ADAMTSL3: variants seen among roughly 807,000 people sequenced by gnomAD.
ADAMTSL3 encodes the protein ADAMTS-like protein 3.
In ADAMTSL3, 128 loss-of-function variants were observed where a neutral mutation model predicts 201.7. The ratio of observed to expected loss-of-function variants is 0.63; its 90% CI spans 0.55 to 0.73. The LOEUF (loss-of-function observed/expected upper bound fraction) is 0.73. ADAMTSL3 is among the 30% of genes least tolerant of loss of function. The probability of loss-of-function intolerance (pLI) is 0.00; values close to 1 mark genes in which losing one functional copy is unlikely to be tolerated. For missense variants in ADAMTSL3, 1,990 were observed against 2,119.6 expected (o/e 0.94, Z 1.20); for synonymous variants, 738 against 748.4 (o/e 0.99, Z 0.23).
In ADAMTSL3 at chr15:84,025,360, G is replaced by C; in HGVS notation, c.4580G>C (p.Cys1527Ser). The C allele has an allele frequency of 6.2e-7, 1 of 1,614,136 alleles. No individual in the cohort carries two copies. Among genetic ancestry groups the C allele is most frequent in the Non-Finnish European group, 8.5e-7 (1 of 1,180,026 alleles). Residue 1527 changes from cysteine (C) to serine (S), a missense_variant, in exon 27 of 30, where the codon TGT becomes TCT. Physicochemically the swap from Cys to Ser is moderately radical, Grantham distance 112 (BLOSUM62 -1). Transcript: ENST00000286744. ...GTVQVVSPRA[C>S]APKDRPLGRK... is the part of the protein sequence containing the mutation. The stretch of plus-strand genomic sequence containing the variant: ...GTGCAGGTGGTGTCTCCAAGAGCAT[G>C]TGCCCCTAAAGACCGGCCTCTGGGA...
At chr15:83,985,707 A>G (rs1433129953) in intron 21 of ADAMTSL3, among the ~76,000 whole-genome samples, 1 of 151,978 alleles carries the variant, frequency 6.6e-6, no homozygotes, top group African/African-American at 2.4e-5. Context: ...ATCTCAGCTT[A>G]CTGCAACCTC....
intron 9 of ADAMTSL3, among the ~76,000 whole-genome samples, chr15:83,873,036 GGC>G (rs1346336345): frequency 6.9e-6 from 1 of 145,608 alleles, no homozygotes; most frequent in Non-Finnish European, 1.5e-5. Context: ...TGGGCGTGGT[GGC>G]TCATGCCTGT....
chr15:83,988,867 T>TTTTATTTATTTA (rs540495992), intron 22 of ADAMTSL3, 49 bp downstream of exon 22: 1 of 1,048,486 alleles, frequency 9.5e-7, no homozygotes, highest in South Asian at 3.3e-5. Context: ...TATTTTTTAT[T>TTTTATTTATTTA]TTTATTTATT....
chr15:83,668,506 A>C (rs2585038), intron 2 of ADAMTSL3, among the ~76,000 whole-genome samples: 1 of 151,732 alleles, frequency 6.6e-6, no homozygotes, highest in East Asian at 1.9e-4. Context: ...TTCTGTGTGT[A>C]TGTGTGTTTG....
At chr15:83,812,957 A>G (rs1340218414) in intron 5 of ADAMTSL3, among the ~76,000 whole-genome samples, 4 of 152,242 alleles carry the variant, frequency 2.6e-5, no homozygotes, top group Non-Finnish European at 4.4e-5. Context: ...ATTTAACCTC[A>G]GACAGTCAGG....
intron 7 of ADAMTSL3, 62 bp downstream of exon 7, chr15:83,838,277 C>T: frequency 1.3e-6 from 2 of 1,535,404 alleles, no homozygotes; most frequent in East Asian, 2.4e-5. Flanking sequence ...CTGTCTATTG[C>T]TAGAATAACA....
chr15:83,957,191 C>T (rs571819806), intron 19 of ADAMTSL3, among the ~76,000 whole-genome samples: 9 of 152,132 alleles, frequency 5.9e-5, no homozygotes, highest in South Asian at 4.2e-4. Flanking sequence ...GAGTGACAAG[C>T]GTGTATATAA....
chr15:83,841,823 C>T (rs1328974506), intron 7 of ADAMTSL3, among the ~76,000 whole-genome samples: 1 of 151,844 alleles, frequency 6.6e-6, no homozygotes, highest in African/African-American at 2.4e-5. Flanking sequence ...GCCCCCCATT[C>T]TGTGTCTATA....
At chr15:83,857,739 C>T (rs1185083176) in intron 7 of ADAMTSL3, among the ~76,000 whole-genome samples, 1 of 152,108 alleles carries the variant, frequency 6.6e-6, no homozygotes, top group Non-Finnish European at 1.5e-5. Context: ...TTAATAAAAA[C>T]TTGCAAACTA....
chr15:83,729,081 T>C (rs928388567), intron 3 of ADAMTSL3, among the ~76,000 whole-genome samples: 10 of 152,122 alleles, frequency 6.6e-5, no homozygotes, highest in African/African-American at 2.4e-4. Context: ...GTGATGTTAC[T>C]CTCTCCTGGC....
chr15:83,730,689 ATATG>A (rs1436938577), intron 3 of ADAMTSL3, among the ~76,000 whole-genome samples: 1 of 151,772 alleles, frequency 6.6e-6, no homozygotes, highest in African/African-American at 2.4e-5. Context: ...TTTCTCAGAT[ATATG>A]GTTTGCAAAT....
intron 4 of ADAMTSL3, among the ~76,000 whole-genome samples, chr15:83,793,136 A>G (rs1210813904): frequency 6.6e-6 from 1 of 152,188 alleles, no homozygotes; most frequent in Non-Finnish European, 1.5e-5. Flanking sequence ...AAAAAAGTTG[A>G]TCTCGTAGAA....
rs999911495 is a variant in ADAMTSL3, at chr15:83,991,099, C to A, written c.3858C>A (p.Ile1286=). 5.6e-6 allele frequency: 9 copies of A among 1,614,072 alleles called. No individual in the cohort carries two copies. The highest frequency in any genetic ancestry group is 3.3e-5 in the Admixed American group (2 of 59,996). ...SSVLYAEAPV[I]LSVERNITKP... is the part of the protein sequence containing the mutation. The stretch of plus-strand genomic sequence containing the variant: ...CTTTGAATTAAGAGGCACCTGTCAT[C>A]TTGTCTGTTGAAAGAAATATCACCA... The change falls in exon 23 of 30, where the codon ATC becomes ATA. Residue 1286 remains isoleucine, a synonymous_variant. Transcript: ENST00000286744.
intron 7 of ADAMTSL3, among the ~76,000 whole-genome samples, chr15:83,843,216 T>C (rs1485028269): frequency 6.6e-6 from 1 of 151,132 alleles, no homozygotes; most frequent in East Asian, 1.9e-4. Flanking sequence ...GTTTAGGACA[T>C]TCCAGGTTAA....
At chr15:83,955,734 G>T (rs1055417752) in intron 19 of ADAMTSL3, among the ~76,000 whole-genome samples, 10 of 152,194 alleles carry the variant, frequency 6.6e-5, no homozygotes, top group African/African-American at 2.4e-4. Flanking sequence ...TGGCATGGGG[G>T]CTTCACGACT....
At position 83,730,901 on chromosome 15, in the gene ADAMTSL3, T is replaced by C. The variant is rs191116737; in HGVS notation, c.189+26393T>C. On this transcript the variant is annotated intron_variant, in intron 3 of 29. Coordinates refer to ENST00000286744, the MANE Select transcript of ADAMTSL3 (RefSeq NM_207517.3). Reference sequence around the variant, plus strand: ...TTTTCTTCTAAGAGTTTTATGGTGGTTTTAGGTCTTACATTTAAGTCTTCA... The same window carrying C: ...TTTTCTTCTAAGAGTTTTATGGTGGCTTTAGGTCTTACATTTAAGTCTTCA... Among the ~76,000 whole-genome samples the C allele has an allele frequency of 2.0e-5, 3 of 152,178 alleles. No individual in the cohort carries two copies. The East Asian group carries it at 5.8e-4, about 29-fold the overall frequency.
intron 5 of ADAMTSL3, among the ~76,000 whole-genome samples, chr15:83,812,012 C>G (rs190095696): frequency 1.3e-3 from 202 of 152,288 alleles, no homozygotes; most frequent in Middle Eastern, 3.4e-3. Flanking sequence ...GAGTCCATTC[C>G]TGCACAGGAG....
At position 83,876,726 on chromosome 15, in the gene ADAMTSL3, G is replaced by A. The variant is rs143969943; in HGVS notation, c.960+5767G>A. On this transcript the variant is annotated intron_variant, in intron 9 of 29. Transcript: ENST00000286744. ...GACTCACTGCAGCTTTGACCTCCTG[G>A]GCTCAAGTGATTCTCTCACCTCAGC... Among the ~76,000 whole-genome samples, 1,130 of 151,986 alleles carry A rather than the reference G, an allele frequency of 7.4e-3. 18 individuals carry two copies. The highest frequency in any genetic ancestry group is 0.026 in the African/African-American group (1,071 of 41,474).
Position 83,988,749 on chromosome 15 carries a change from G to A in ADAMTSL3, c.3775G>A (p.Gly1259Ser). 1 of 1,609,384 alleles carries A rather than the reference G, an allele frequency of 6.2e-7. No individual in the cohort carries two copies. Among genetic ancestry groups the A allele is most frequent in the South Asian group, 1.1e-5 (1 of 90,202 alleles). The stretch of plus-strand genomic sequence containing the variant: ...ACAGAATCCTACAAGGAAAGAACAA[G>A]GCATATATGAATGTTCTGTAGCTAA... ...QIQNPTRKEQGIYECSVANHL... is the reference protein window; with the variant it reads ...QIQNPTRKEQSIYECSVANHL... Residue 1259 changes from glycine to serine, a missense_variant, in exon 22 of 30, where the codon GGC becomes AGC. Transcript: ENST00000286744.
Sources: gnomAD v4.1 joint callset for allele counts (sites outside exome capture counted in the v4.1 genomes callset) on GRCh38, gnomAD v4.1.1 for gene constraint, MANE v1.5 for transcripts, NCBI Gene and HGNC (gene_info 2026-07-23, HGNC 2026-07-21) for gene names.